The following PHF8 variants were observed in gnomAD, a reference collection of about 807,000 sequenced individuals.
PHF8 encodes the protein PHD finger protein 8.
A neutral mutation model predicts 74.4 loss-of-function variants in PHF8; 9 were observed. That is an observed-to-expected ratio of 0.12 (90% CI 0.07 to 0.21). The LOEUF (loss-of-function observed/expected upper bound fraction) is 0.21. PHF8 is among the 10% of genes least tolerant of loss of function. The pLI, the probability that PHF8 is intolerant of heterozygous loss-of-function variation, is 1.00. For synonymous variants in PHF8, 311 were observed against 316.6 expected, an observed-to-expected ratio of 0.98 and a Z score of 0.19; for missense variants, 478 against 816.6, an observed-to-expected ratio of 0.59 and a Z score of 5.05.
At chrX:53,963,153 C>A (rs138786210) in intron 18 of PHF8, among the ~76,000 whole-genome samples, 3 of 112,097 alleles carry the variant, frequency 2.7e-5, no homozygotes, top group African/African-American at 3.2e-5. Context: ...TCACCTAATT[C>A]TGATTCATTC....
intron 19 of PHF8, among the ~76,000 whole-genome samples, chrX:53,956,754 C>T (rs1399104319): frequency 1.8e-5 from 2 of 108,864 alleles, no homozygotes; most frequent in Non-Finnish European, 3.8e-5. Flanking sequence ...ATGGGCAACT[C>T]GAAAACCTTG....
At chrX:54,005,435 C>CA (rs782366736) in intron 8 of PHF8, among the ~76,000 whole-genome samples, 2,552 of 63,518 alleles carry the variant, frequency 0.04, 41 homozygotes, top group Middle Eastern at 0.14. Context: ...CACTCCCTCT[C>CA]AAAAAAAAAA....
intron 13 of PHF8, chrX:53,993,138 G>A (rs2065694086): frequency 2.9e-6 from 1 of 350,660 alleles, no homozygotes; most frequent in African/African-American, 2.6e-5. Flanking sequence ...CCCTGGTGGA[G>A]GGCTTTTCTC....
chrX:54,028,938 C>T (rs989982290), intron 2 of PHF8, among the ~76,000 whole-genome samples: 4 of 112,292 alleles, frequency 3.6e-5, no homozygotes, highest in Non-Finnish European at 3.8e-5. Flanking sequence ...CTCTGTGCCT[C>T]AGTTTCCTCA....
intron 2 of PHF8, among the ~76,000 whole-genome samples, chrX:54,027,263 C>T (rs940815264): frequency 3.6e-5 from 4 of 110,878 alleles, no homozygotes; most frequent in Non-Finnish European, 7.5e-5. Flanking sequence ...CCCTTCTGTC[C>T]GCCCCTTCAC....
At chrX:54,023,705 C>A (rs1353714982) in intron 2 of PHF8, among the ~76,000 whole-genome samples, 2 of 106,813 alleles carry the variant, frequency 1.9e-5, no homozygotes, top group African/African-American at 6.9e-5. Flanking sequence ...CCATCTCTAC[C>A]AAAACAAACA....
chrX:53,995,294 C>G, intron 12 of PHF8: 1 of 337,129 alleles, frequency 3.0e-6, no homozygotes. Context: ...CCACGACCCA[C>G]CGTCAGAATT....
chrX:53,942,792 T>C, intron 20 of PHF8: 6 of 752,552 alleles, frequency 8.0e-6, no homozygotes, highest in Non-Finnish European at 9.4e-6. Flanking sequence ...AAAAGGAACA[T>C]CTTGTGTAAA....
At chrX:54,023,325 TA>T (rs1210499878) in intron 2 of PHF8, among the ~76,000 whole-genome samples, 16 of 106,031 alleles carry the variant, frequency 1.5e-4, no homozygotes, top group East Asian at 8.7e-4. Context: ...CGAAAAAGAC[TA>T]AAAAAAAAAA....
intron 6 of PHF8, among the ~76,000 whole-genome samples, chrX:54,015,129 C>T (rs962462265): frequency 2.0e-5 from 2 of 100,033 alleles, no homozygotes; most frequent in African/African-American, 7.4e-5. Context: ...TTCTATTTCC[C>T]AATCTTATTT....
Position 54,042,651 on chromosome X carries a change from G to A in PHF8, c.78C>T (p.Cys26=), listed in dbSNP as rs782699338. 2 of 1,208,635 alleles carry A rather than the reference G, an allele frequency of 1.7e-6. No homozygotes were observed. Among genetic ancestry groups the A allele is most frequent in the African/African-American group, 1.8e-5 (1 of 57,071 alleles). ...CTTACCTGCCATGAAACCAGTCCTG[G>A]CACATGTCACACTCGATCATGAAGC... ...VTRFMIECDM[C]QDWFHGSCVG... is the part of the protein sequence containing the mutation. The change falls in exon 2 of 22, where the codon TGC becomes TGT. Residue 26 remains cysteine, a synonymous_variant. Transcript: ENST00000338154.
intron 14 of PHF8, among the ~76,000 whole-genome samples, chrX:53,991,711 A>G (rs1416493607): frequency 2.8e-5 from 3 of 107,425 alleles, no homozygotes; most frequent in Non-Finnish European, 5.8e-5. Context: ...GAAGTATAAA[A>G]TATATAACTA....
At chrX:53,965,668 T>C (rs1040089308) in intron 18 of PHF8, among the ~76,000 whole-genome samples, 16 of 111,955 alleles carry the variant, frequency 1.4e-4, no homozygotes, top group Non-Finnish European at 2.3e-4. Context: ...AGCTTACTAA[T>C]GAGGCTAAGG....
chrX:54,033,635 C>T (rs1428311402), intron 2 of PHF8, among the ~76,000 whole-genome samples: 14 of 111,727 alleles, frequency 1.3e-4, no homozygotes, highest in Non-Finnish European at 2.6e-4. Flanking sequence ...ATCACTTGAA[C>T]CCAGGGAGGC....
At chrX:53,940,047 C>G in intron 21 of PHF8, 133 bp downstream of exon 21, 1 of 500,545 alleles carries the variant, frequency 2.0e-6, no homozygotes, top group Non-Finnish European at 3.5e-6. Context: ...CTCCATGGCC[C>G]ATAAGATCAA....
intron 18 of PHF8, among the ~76,000 whole-genome samples, chrX:53,981,816 A>G (rs1557098082): frequency 9.0e-6 from 1 of 111,711 alleles, no homozygotes; most frequent in Non-Finnish European, 1.9e-5. Flanking sequence ...TATTGTTTTT[A>G]GTGCACAAAT....
intron 20 of PHF8, among the ~76,000 whole-genome samples, chrX:53,942,017 G>A (rs2064758309): frequency 1.8e-5 from 2 of 111,495 alleles, no homozygotes; most frequent in Admixed American, 1.9e-4. Context: ...TTCATATCTA[G>A]ATCACTAGCC....
Position 53,987,763 on chromosome X carries a change from C to A in PHF8, c.1909+3G>T. On this transcript the variant is annotated splice_donor_region_variant and intron_variant, in intron 15 of 21. Coordinates refer to ENST00000338154, the MANE Select transcript of PHF8 (RefSeq NM_015107.3). ...GGAGGAAAAAGAAAGAACAGACACA[C>A]ACTTGGTCTTATTATCAGGGTCGCC... 8.5e-7 allele frequency: 1 copy of A among 1,180,750 alleles called. No homozygotes were observed. The highest frequency in any genetic ancestry group is 1.1e-6 in the Non-Finnish European group (1 of 873,851).
intron 4 of PHF8, among the ~76,000 whole-genome samples, chrX:54,019,385 C>CT: frequency 9.1e-6 from 1 of 109,828 alleles, no homozygotes; most frequent in East Asian, 2.9e-4. Context: ...ATGGATTAAG[C>CT]TAGGGAGGTC....
Sources: gnomAD v4.1 joint callset for allele counts (sites outside exome capture counted in the v4.1 genomes callset) on GRCh38, gnomAD v4.1.1 for gene constraint, MANE v1.5 for transcripts, NCBI Gene and HGNC (gene_info 2026-07-23, HGNC 2026-07-21) for gene names.